Variants in ZNF385D observed in about 807,000 individuals in gnomAD.
ZNF385D encodes the protein zinc finger protein 659.
Under a neutral mutation model 35.8 loss-of-function variants are expected in ZNF385D, and 15 were observed. The observed-to-expected ratio is 0.42, with a 90% confidence interval of 0.28 to 0.64. The LOEUF (loss-of-function observed/expected upper bound fraction) is 0.64, where lower values mean the gene tolerates loss of function less well. ZNF385D is among the 30% of genes least tolerant of loss of function. ZNF385D has a pLI of 0.23. For synonymous variants in ZNF385D, 212 were observed against 186.8 expected (o/e 1.13, Z -1.10); for missense variants, 474 against 494.6 (o/e 0.96, Z 0.39).
At chr3:22,254,628 G>C (rs1700223533) in intron 2 of ZNF385D, among the ~76,000 whole-genome samples, 1 of 151,770 alleles carries the variant, frequency 6.6e-6, no homozygotes, top group Non-Finnish European at 1.5e-5. Context: ...ACTGAACCCT[G>C]TATATTTTGT....
chr3:21,531,357 C>A (rs918507585), intron 3 of ZNF385D, among the ~76,000 whole-genome samples: 1 of 152,106 alleles, frequency 6.6e-6, no homozygotes, highest in East Asian at 1.9e-4. Flanking sequence ...CAATTTCTTA[C>A]AAAACTAAAC....
chr3:22,216,597 A>T (rs1047937611), intron 2 of ZNF385D, among the ~76,000 whole-genome samples: 2 of 152,142 alleles, frequency 1.3e-5, no homozygotes, highest in Admixed American at 6.6e-5. Context: ...GTTTTGATTT[A>T]AAAAGTTCAT....
chr3:21,698,902 A>G (rs1559529601), intron 1 of ZNF385D, among the ~76,000 whole-genome samples: 1 of 152,278 alleles, frequency 6.6e-6, no homozygotes, highest in East Asian at 1.9e-4. Flanking sequence ...GGGAATGAAA[A>G]TTAGTTCAAC....
At chr3:22,071,891 G>C (rs1160553958) in intron 3 of ZNF385D, among the ~76,000 whole-genome samples, 1 of 152,028 alleles carries the variant, frequency 6.6e-6, no homozygotes, top group Non-Finnish European at 1.5e-5. Flanking sequence ...ATCATAAACT[G>C]TCTTGACGTA....
chr3:22,123,395 AG>A (rs1456698074), intron 3 of ZNF385D, among the ~76,000 whole-genome samples: 2 of 152,180 alleles, frequency 1.3e-5, no homozygotes, highest in Non-Finnish European at 2.9e-5. Flanking sequence ...TATATTGATG[AG>A]GTAAGTGTAT....
chr3:21,967,996 A>G (rs1430095713), intron 3 of ZNF385D, among the ~76,000 whole-genome samples: 3 of 152,206 alleles, frequency 2.0e-5, no homozygotes, highest in African/African-American at 7.2e-5. Flanking sequence ...TTAAGGAAAG[A>G]GACACTGAAG....
chr3:22,089,072 C>A (rs763288341), intron 3 of ZNF385D, among the ~76,000 whole-genome samples: 1 of 151,958 alleles, frequency 6.6e-6, no homozygotes, highest in South Asian at 2.1e-4. Context: ...CAAAAATAAC[C>A]AAGAAAAAGA....
intron 3 of ZNF385D, among the ~76,000 whole-genome samples, chr3:22,044,168 A>T (rs1338644334): frequency 6.6e-6 from 1 of 151,450 alleles, no homozygotes; most frequent in Non-Finnish European, 1.5e-5. Context: ...GCCTGCATGG[A>T]TAGTCACAAA....
intron 3 of ZNF385D, among the ~76,000 whole-genome samples, chr3:21,937,425 G>T (rs1352134): frequency 0.92 from 139,646 of 152,112 alleles, 64,201 homozygotes; most frequent in East Asian, 0.99. Context: ...ACAGACCTAT[G>T]TGATATTGTA....
At chr3:22,137,237 G>C (rs1033665825) in intron 3 of ZNF385D, among the ~76,000 whole-genome samples, 3 of 152,128 alleles carry the variant, frequency 2.0e-5, no homozygotes, top group Non-Finnish European at 4.4e-5. Flanking sequence ...AATTCTACCA[G>C]AGGTACAAGG....
At chr3:22,364,414 G>A (rs903553628) in intron 2 of ZNF385D, among the ~76,000 whole-genome samples, 7 of 151,892 alleles carry the variant, frequency 4.6e-5, no homozygotes, top group Non-Finnish European at 2.9e-5. Flanking sequence ...CAACAACAAA[G>A]CAACCTGATT....
At chr3:22,123,441 G>C (rs988675327) in intron 3 of ZNF385D, among the ~76,000 whole-genome samples, 1 of 152,166 alleles carries the variant, frequency 6.6e-6, no homozygotes, top group African/African-American at 2.4e-5. Context: ...AGCATAAAAT[G>C]TGTAATCACA....
intron 4 of ZNF385D, among the ~76,000 whole-genome samples, chr3:21,474,368 G>A (rs184482538): frequency 1.4e-4 from 21 of 152,178 alleles, no homozygotes; most frequent in African/African-American, 5.1e-4. Flanking sequence ...CATTTCTCTA[G>A]CACCTAACAA....
At chr3:21,511,474 A>G (rs1575079660) in intron 3 of ZNF385D, 2 of 351,662 alleles carry the variant, frequency 5.7e-6, no homozygotes, top group East Asian at 1.5e-4. Context: ...ACAGGTGTCT[A>G]CAAGGAAAGG....
At chr3:21,811,750 G>A (rs1428377913) in intron 3 of ZNF385D, among the ~76,000 whole-genome samples, 1 of 152,192 alleles carries the variant, frequency 6.6e-6, no homozygotes, top group African/African-American at 2.4e-5. Context: ...AATTCAGAAA[G>A]TAATTCATGG....
At chr3:21,598,595 C>T (rs2064191501) in intron 2 of ZNF385D, among the ~76,000 whole-genome samples, 1 of 152,078 alleles carries the variant, frequency 6.6e-6, no homozygotes, top group South Asian at 2.1e-4. Context: ...AGGCTAGAGT[C>T]TCAAAAAATA....
chr3:21,865,084 AG>A (rs1369305683), intron 3 of ZNF385D, among the ~76,000 whole-genome samples: 1 of 74,808 alleles, frequency 1.3e-5, no homozygotes, highest in African/African-American at 5.4e-5. Flanking sequence ...TTTTGAGAGG[AG>A]GAGCCTACCA....
intron 2 of ZNF385D, among the ~76,000 whole-genome samples, chr3:22,241,799 C>T (rs2728954): frequency 0.53 from 80,196 of 150,144 alleles, 24,767 homozygotes; most frequent in African/African-American, 0.83. Context: ...TGAATACACA[C>T]TCTACAAGGC....
intron 4 of ZNF385D, among the ~76,000 whole-genome samples, chr3:21,470,039 TTTCTC>T (rs2125339385): frequency 6.6e-6 from 1 of 152,334 alleles, no homozygotes; most frequent in African/African-American, 2.4e-5. Context: ...TATAGCTACT[TTTCTC>T]TAAGCACTTT....
Sources: allele counts gnomAD v4.1 joint callset (sites outside exome capture counted in the v4.1 genomes callset), GRCh38; gene constraint gnomAD v4.1.1; transcripts MANE v1.5; gene names NCBI Gene and HGNC (gene_info 2026-07-23, HGNC 2026-07-21).